Variants in PHF10 observed in about 807,000 individuals in gnomAD.
PHF10 encodes PHD finger protein 10, also known as BRG1-associated factor 45a.
PHF10 carries 51 observed loss-of-function variants against 68.5 expected under a neutral mutation model. The ratio of observed to expected loss-of-function variants is 0.74; its 90% CI spans 0.59 to 0.94. The LOEUF is 0.94. Ranked by LOEUF, PHF10 falls within the 40% of genes least tolerant of loss-of-function variation. The pLI is 0.00. For synonymous variants in PHF10, 204 were observed against 203.5 expected (o/e 1.00, Z -0.02); for missense variants, 460 against 602.6 (o/e 0.76, Z 2.48).
At position 169,724,272 on chromosome 6, in the gene PHF10, A is replaced by G. The variant is rs1281771893; in HGVS notation, c.-341T>C. On this transcript the variant is annotated 5_prime_UTR_variant, in exon 1 of 12. Transcript: ENST00000339209. ...GCCCGGCCGCGGCCACCGCCTCAGC[A>G]CCGTTGCCCCCCACAGCTCCGCCGC... is the stretch of plus-strand genomic sequence containing the variant. Among the ~76,000 whole-genome samples the G allele has an allele frequency of 2.2e-5, 3 of 135,796 alleles. No individual in the cohort carries two copies. The East Asian group carries it at 7.0e-4, about 32-fold the overall frequency. 89.1% of individuals were successfully genotyped at this position (135,796 alleles called of 152,430 possible).
intron 8 of PHF10, among the ~76,000 whole-genome samples, chr6:169,710,656 A>T (rs1319032537): frequency 6.6e-6 from 1 of 152,210 alleles, no homozygotes; most frequent in Non-Finnish European, 1.5e-5. Flanking sequence ...GACATAAGTC[A>T]CAAAAACACA....
chr6:169,710,214 G>C (rs1055735341), intron 9 of PHF10, 22 bp downstream of exon 9: 3 of 1,561,542 alleles, frequency 1.9e-6, no homozygotes, highest in Non-Finnish European at 1.7e-6. Flanking sequence ...AAGAAGCTGA[G>C]TCAGGGGCTT....
intron 11 of PHF10, 146 bp from the exon 12 acceptor site, chr6:169,704,234 T>A: frequency 3.5e-6 from 2 of 567,288 alleles, no homozygotes; most frequent in Non-Finnish European, 6.1e-6. Flanking sequence ...GTTCCTTAAT[T>A]TAAGGAAAAA....
chr6:169,715,878 T>C (rs761133713), intron 5 of PHF10, 21 bp from the exon 6 acceptor site: 1 of 1,604,050 alleles, frequency 6.2e-7, no homozygotes, highest in Admixed American at 1.7e-5. Context: ...AAAATACAGT[T>C]GGAAGTCACA....
At chr6:169,715,114 G>A (rs1789015504) in intron 6 of PHF10, among the ~76,000 whole-genome samples, 1 of 152,166 alleles carries the variant, frequency 6.6e-6, no homozygotes, top group Non-Finnish European at 1.5e-5. Context: ...CGACCTCTCT[G>A]TAGCTCAATT....
At position 169,712,537 on chromosome 6, in the gene PHF10, T is replaced by C; in HGVS notation, c.806A>G (p.Tyr269Cys). 6.2e-7 allele frequency: 1 copy of C among 1,604,636 alleles called. No homozygotes were observed. Among genetic ancestry groups the C allele is most frequent in the Non-Finnish European group, 8.5e-7 (1 of 1,177,592 alleles). The part of the protein sequence containing the change: ...PGQFQEYYKR[Y>C]SPDELRYLPL... ...CAGATACCGCAGCTCATCTGGTGAG[T>C]ACCTGAAGTTCAGAGAGTTTATTTT... Residue 269 changes from tyrosine (Y) to cysteine (C), a missense_variant and splice_region_variant, in exon 8 of 12, where the codon TAC becomes TGC. Tyr to Cys is a radical substitution (Grantham distance 194). This residue lies in a region of PHF10 where 256 missense variants were observed against 410.5 expected (regional missense o/e 0.62). Coordinates refer to ENST00000339209, the MANE Select transcript of PHF10 (RefSeq NM_018288.4).
chr6:169,706,121 T>A (rs1342932396), intron 9 of PHF10, among the ~76,000 whole-genome samples: 2 of 152,216 alleles, frequency 1.3e-5, no homozygotes, highest in African/African-American at 4.8e-5. Context: ...ATAGCTCATA[T>A]ATTAATTTTG....
At position 169,710,333 on chromosome 6, in the gene PHF10, G is replaced by T. The variant is rs754027134; in HGVS notation, c.1016C>A (p.Ser339Tyr). Residue 339 changes from serine (S) to tyrosine (Y), a missense_variant, in exon 9 of 12, where the codon TCT (serine) becomes TAT (tyrosine). Transcript: ENST00000339209. The part of the protein sequence containing the change: ...GESPPDSQED[S>Y]FQGRQKSKDK... ...TTTTGATTTCTGTCTTCCCTGGAAA[G>T]AGTCCTCCTGGCTGTCAGGAGGGCT... The T allele has an allele frequency of 1.2e-6, 2 of 1,611,860 alleles. No individual in the cohort carries two copies. Among genetic ancestry groups the T allele is most frequent in the Non-Finnish European group, 1.7e-6 (2 of 1,177,986 alleles).
intron 2 of PHF10, chr6:169,719,131 T>C (rs1585304837): frequency 2.5e-6 from 1 of 407,678 alleles, no homozygotes; most frequent in Non-Finnish European, 4.4e-6. Flanking sequence ...GAAAATAACA[T>C]CTTTTATACA....
At chr6:169,716,126 T>C (rs754733827) in intron 4 of PHF10, 38 bp from the exon 5 acceptor site, 24 of 1,442,726 alleles carry the variant, frequency 1.7e-5, no homozygotes, top group Non-Finnish European at 1.8e-5. Flanking sequence ...AAAGAAGCTC[T>C]TTTAAGGATA....
chr6:169,714,468 G>A (rs1788997922), intron 7 of PHF10, among the ~76,000 whole-genome samples: 1 of 152,188 alleles, frequency 6.6e-6, no homozygotes, highest in African/African-American at 2.4e-5. Context: ...GAGCAGTGAG[G>A]TGCTACAGAA....
intron 1 of PHF10, 30 bp downstream of exon 1, chr6:169,723,815 A>C (rs1789247861): frequency 1.2e-6 from 1 of 802,532 alleles, no homozygotes; most frequent in African/African-American, 1.8e-5. Flanking sequence ...GGACGGGGTC[A>C]GGGTCGGGTC....
chr6:169,716,020 C>T lies in PHF10; in HGVS notation c.478G>A (p.Glu160Lys). ...TTTTCTTGTAGAATAACAGAATACTCAGCATGTTTGGCTGGATATTCTTTT... is the reference window on the plus strand; with the variant it reads ...TTTTCTTGTAGAATAACAGAATACTTAGCATGTTTGGCTGGATATTCTTTT... ...MIKEYPAKHA[E>K]YSVILQEKER... The change falls in exon 5 of 12, where the codon GAG (glutamate) becomes AAG (lysine). Residue 160 changes from glutamate to lysine, a missense_variant. Coordinates refer to ENST00000339209, the MANE Select transcript of PHF10 (RefSeq NM_018288.4). 1 of 1,608,594 alleles carries T rather than the reference C, an allele frequency of 6.2e-7. No individual in the cohort carries two copies. Among genetic ancestry groups the T allele is most frequent in the South Asian group, 1.1e-5 (1 of 90,820 alleles).
chr6:169,712,846 C>G (rs546207760), intron 7 of PHF10, among the ~76,000 whole-genome samples: 1 of 152,268 alleles, frequency 6.6e-6, no homozygotes, highest in African/African-American at 2.4e-5. Flanking sequence ...GCTGCCAGCT[C>G]ACATCCACCT....
At chr6:169,718,342 T>C (rs1389078381) in intron 3 of PHF10, among the ~76,000 whole-genome samples, 3 of 152,122 alleles carry the variant, frequency 2.0e-5, no homozygotes, top group East Asian at 1.9e-4. Context: ...ATATCAATAA[T>C]GAAGAGTGAT....
intron 2 of PHF10, among the ~76,000 whole-genome samples, chr6:169,720,328 A>C (rs1789146940): frequency 1.3e-5 from 2 of 152,176 alleles, no homozygotes; most frequent in Admixed American, 6.5e-5. Flanking sequence ...ATCCAAAAAA[A>C]CTGAAAACAC....
rs1231470693 is a variant in PHF10, at chr6:169,714,957, T to C, written c.694-115A>G. On this transcript the variant is annotated intron_variant, in intron 6 of 11. Transcript: ENST00000339209. ...CCACTTCCCCCTCGAAAAGCTAAAA[T>C]TTTAGGAGATATCAGGAGCTATAAC... 4.5e-6 allele frequency: 3 copies of C among 666,184 alleles called. No individual in the cohort carries two copies. In the Admixed American group the frequency reaches 7.6e-5, roughly 17 times the overall value. 41.3% of individuals were successfully genotyped at this position (666,184 alleles called of 1,614,324 possible). A position where few individuals can be genotyped will look rare whatever the true frequency, so the allele number is the denominator to read the frequency against.
In PHF10 at chr6:169,718,771, A is replaced by G; in HGVS notation, c.325+17T>C. ...ATTACTATCAATTATAAATTAATCT[A>G]TTATATAAACTAGTACCTGGATATT... On this transcript the variant is annotated intron_variant, in intron 3 of 11. Coordinates refer to ENST00000339209, the MANE Select transcript of PHF10 (RefSeq NM_018288.4). 4 of 1,379,710 alleles carry G rather than the reference A, an allele frequency of 2.9e-6. No homozygotes were observed. Among genetic ancestry groups the G allele is most frequent in the Non-Finnish European group, 4.1e-6 (4 of 983,966 alleles). 85.5% of individuals were successfully genotyped at this position (1,379,710 alleles called of 1,614,324 possible). A position where few individuals can be genotyped will look rare whatever the true frequency, so the allele number is the denominator to read the frequency against.
intron 1 of PHF10, 27 bp from the exon 2 acceptor site, chr6:169,721,138 ATAAT>A (rs1180536472): frequency 1.7e-6 from 2 of 1,207,522 alleles, no homozygotes; most frequent in South Asian, 1.3e-5. Flanking sequence ...TTCAAAAATA[ATAAT>A]TAGAGAAAGA....
Sources: gnomAD v4.1 joint callset for allele counts (sites outside exome capture counted in the v4.1 genomes callset) on GRCh38, gnomAD v4.1.1 for gene constraint, gnomAD v4.1.1 regional missense constraint, MANE v1.5 for transcripts, NCBI Gene and HGNC (gene_info 2026-07-23, HGNC 2026-07-21) for gene names.